Variants in MAGI2 observed in about 807,000 individuals in gnomAD.
MAGI2 encodes the protein membrane-associated guanylate kinase, WW and PDZ domain-containing protein 2.
Under a neutral mutation model 133.3 loss-of-function variants are expected in MAGI2, and 35 were observed. The ratio of observed to expected loss-of-function variants is 0.26; its 90% CI spans 0.20 to 0.35. The LOEUF (loss-of-function observed/expected upper bound fraction) is 0.35, where lower values mean the gene tolerates loss of function less well. Ranked by LOEUF, MAGI2 falls within the 10% of genes least tolerant of loss-of-function variation. The pLI is 1.00. For missense variants in MAGI2, 1,636 were observed against 1,863.4 expected, an observed-to-expected ratio of 0.88 and a Z score of 2.25; for synonymous variants, 729 against 710.6, an observed-to-expected ratio of 1.03 and a Z score of -0.41.
chr7:79,204,391 A>G (rs1828862855), intron 1 of MAGI2, among the ~76,000 whole-genome samples: 3 of 152,140 alleles, frequency 2.0e-5, no homozygotes, highest in Non-Finnish European at 4.4e-5. Flanking sequence ...CTAGTGGTGC[A>G]TTTGCCATAA....
intron 2 of MAGI2, among the ~76,000 whole-genome samples, chr7:78,928,174 C>A (rs2151649954): frequency 6.6e-6 from 1 of 151,996 alleles, no homozygotes; most frequent in South Asian, 2.1e-4. Context: ...ATAGTTCCTT[C>A]CACAGGAATT....
In MAGI2 at chr7:78,419,399, T is replaced by TTG. The variant is rs3061300; in HGVS notation, c.1046-50188_1046-50187dup. ...GTTAATTAGTTAATATGCACCGAGC[T>TTG]TGTGTGTGTGTGTGTAAGGAGACAC... On this transcript the variant is annotated intron_variant, in intron 6 of 21. Coordinates refer to ENST00000354212, the MANE Select transcript of MAGI2 (RefSeq NM_012301.4). Among the ~76,000 whole-genome samples, 31 of 150,442 alleles carry TTG rather than the reference T, an allele frequency of 2.1e-4. No individual in the cohort carries two copies. The South Asian group carries it at 3.6e-3, about 17-fold the overall frequency.
At chr7:78,109,862 G>A (rs1424440046) in intron 20 of MAGI2, among the ~76,000 whole-genome samples, 3 of 152,174 alleles carry the variant, frequency 2.0e-5, no homozygotes, top group African/African-American at 7.2e-5. Context: ...TATTGTGGCA[G>A]TGGCAATGGA....
intron 6 of MAGI2, among the ~76,000 whole-genome samples, chr7:78,443,545 C>G (rs770982608): frequency 1.3e-5 from 2 of 152,168 alleles, no homozygotes; most frequent in Non-Finnish European, 2.9e-5. Context: ...ATCTAATTCA[C>G]TCATTCCACT....
chr7:79,395,448 C>T (rs1036193873), intron 1 of MAGI2, among the ~76,000 whole-genome samples: 2 of 152,186 alleles, frequency 1.3e-5, no homozygotes, highest in Middle Eastern at 3.4e-3. Flanking sequence ...ATCATCATCC[C>T]GTAACGTGAT....
intron 2 of MAGI2, among the ~76,000 whole-genome samples, chr7:78,749,062 A>T (rs1233074938): frequency 6.6e-6 from 1 of 152,270 alleles, no homozygotes; most frequent in Non-Finnish European, 1.5e-5. Context: ...AAATGCACAT[A>T]AATAGCCAAA....
chr7:79,074,760 G>A (rs1815314979), intron 1 of MAGI2, among the ~76,000 whole-genome samples: 1 of 152,162 alleles, frequency 6.6e-6, no homozygotes. Flanking sequence ...CATGCATGAT[G>A]GGAAAGCCAA....
rs553854985 is a variant in MAGI2, at chr7:79,200,015, G to A, written c.302-192809C>T. ...TCTTGTTGCTTAATTGAGAGACATG[G>A]ACACCGAGATTCCTGATCCAGCCCC... On this transcript the variant is annotated intron_variant, in intron 1 of 21. Coordinates refer to ENST00000354212, the MANE Select transcript of MAGI2 (RefSeq NM_012301.4). Among the ~76,000 whole-genome samples the A allele has an allele frequency of 3.0e-4, 45 of 151,544 alleles. 1 individual carries two copies. The South Asian group carries it at 9.4e-3, about 32-fold the overall frequency.
At chr7:78,110,865 A>T (rs1819290321) in intron 20 of MAGI2, among the ~76,000 whole-genome samples, 1 of 152,194 alleles carries the variant, frequency 6.6e-6, no homozygotes, top group African/African-American at 2.4e-5. Context: ...CCCAAAGAAG[A>T]AACGTGAATG....
intron 2 of MAGI2, among the ~76,000 whole-genome samples, chr7:78,804,554 C>T (rs1199211638): frequency 6.7e-6 from 1 of 148,808 alleles, no homozygotes; most frequent in Non-Finnish European, 1.5e-5. Context: ...CGAGACCCTC[C>T]TGGCTAACAC....
chr7:78,212,534 G>A (rs1787871595), intron 10 of MAGI2, among the ~76,000 whole-genome samples: 1 of 152,174 alleles, frequency 6.6e-6, no homozygotes, highest in Non-Finnish European at 1.5e-5. Flanking sequence ...AACAACTACA[G>A]AAAAGAATGC....
chr7:78,247,589 A>T (rs961754136), intron 10 of MAGI2, among the ~76,000 whole-genome samples: 1 of 152,232 alleles, frequency 6.6e-6, no homozygotes, highest in Admixed American at 6.5e-5. Flanking sequence ...AATTTAACAA[A>T]GAGATGGATA....
intron 2 of MAGI2, among the ~76,000 whole-genome samples, chr7:78,783,031 T>C (rs1329318076): frequency 6.7e-6 from 1 of 149,260 alleles, no homozygotes; most frequent in African/African-American, 2.5e-5. Flanking sequence ...TTTTTTTTTT[T>C]TTTTTACATT....
chr7:78,474,078 G>A (rs1303659746), intron 6 of MAGI2, among the ~76,000 whole-genome samples: 1 of 151,940 alleles, frequency 6.6e-6, no homozygotes, highest in African/African-American at 2.4e-5. Context: ...ACATTAACCG[G>A]TGTGTTTTAG....
intron 1 of MAGI2, among the ~76,000 whole-genome samples, chr7:79,305,993 T>C (rs1188008047): frequency 1.3e-5 from 2 of 151,106 alleles, no homozygotes; most frequent in African/African-American, 4.9e-5. Flanking sequence ...TAGTATCTTT[T>C]TTTTTTTTTT....
chr7:78,905,267 C>T (rs1480293709), intron 2 of MAGI2, among the ~76,000 whole-genome samples: 2 of 152,132 alleles, frequency 1.3e-5, no homozygotes, highest in African/African-American at 2.4e-5. Context: ...GTAATGACAC[C>T]GTGCCGTGCA....
rs1838610966 is a variant in MAGI2, at chr7:79,315,187, G to A, written c.301+137833C>T. Among the ~76,000 whole-genome samples the A allele has an allele frequency of 2.0e-5, 3 of 146,814 alleles. No homozygotes were observed. In the Admixed American group the frequency reaches 2.1e-4, roughly 10 times the overall value. ...CTCTTTTTTTTTTTTTTAAGGTGAAGTCTCGCTGTTTTCCAAGCTAGAGTG... is the reference window on the plus strand; with the variant it reads ...CTCTTTTTTTTTTTTTTAAGGTGAAATCTCGCTGTTTTCCAAGCTAGAGTG... On this transcript the variant is annotated intron_variant, in intron 1 of 21. Transcript: ENST00000354212.
intron 3 of MAGI2, among the ~76,000 whole-genome samples, chr7:78,536,639 T>G (rs1366135728): frequency 1.3e-5 from 2 of 152,178 alleles, no homozygotes; most frequent in East Asian, 3.9e-4. Context: ...AGACTTTTTC[T>G]TGATGACCTC....
intron 1 of MAGI2, among the ~76,000 whole-genome samples, chr7:79,399,098 T>TC (rs1447570194): frequency 7.1e-6 from 1 of 140,312 alleles, no homozygotes; most frequent in Non-Finnish European, 1.5e-5. Context: ...TTCTTTTCTT[T>TC]TTTTTTTTTT....
Sources: allele counts gnomAD v4.1 joint callset (sites outside exome capture counted in the v4.1 genomes callset), GRCh38; gene constraint gnomAD v4.1.1; transcripts MANE v1.5; gene names NCBI Gene and HGNC (gene_info 2026-07-23, HGNC 2026-07-21).